Variants in CRYBG1 observed in about 807,000 individuals in gnomAD.
CRYBG1 encodes the protein crystallin beta-gamma domain containing 1.
A neutral mutation model predicts 189.2 loss-of-function variants in CRYBG1; 139 were observed. The ratio of observed to expected loss-of-function variants is 0.73; its 90% CI spans 0.64 to 0.85. The LOEUF (loss-of-function observed/expected upper bound fraction) is 0.85. Ranked by LOEUF, CRYBG1 falls within the 40% of genes least tolerant of loss-of-function variation. The pLI is 0.00. For synonymous variants in CRYBG1, 1,023 were observed against 1,017.1 expected (o/e 1.01, Z -0.11); for missense variants, 2,611 against 2,675.8 (o/e 0.98, Z 0.53).
chr6:106,511,856 G>C lies in CRYBG1; in HGVS notation c.739G>C (p.Asp247His). 1.3e-6 allele frequency: 2 copies of C among 1,514,834 alleles called. No individual in the cohort carries two copies. Among genetic ancestry groups the C allele is most frequent in the Non-Finnish European group, 1.8e-6 (2 of 1,133,840 alleles). 93.8% of individuals were successfully genotyped at this position (1,514,834 alleles called of 1,614,324 possible). ...GGAGGCAGAGGGAGAGCCTTTCCCA[G>C]ATGCCACCACCACTGCCAAGCAGCT... ...PLEAEGEPFP[D>H]ATTTAKQLHS... Residue 247 changes from aspartate (D) to histidine (H), a missense_variant, in exon 3 of 22, where the codon GAT (aspartate) becomes CAT (histidine). By Grantham distance (81) the Asp-to-His change is moderately conservative. This residue lies in a region of CRYBG1 where 985 missense variants were observed against 924.4 expected (regional missense o/e 1.07). Coordinates refer to ENST00000633556, the MANE Select transcript of CRYBG1 (RefSeq NM_001371242.2).
intron 1 of CRYBG1, among the ~76,000 whole-genome samples, chr6:106,438,384 T>G (rs1476216387): frequency 6.6e-6 from 1 of 152,136 alleles, no homozygotes. Context: ...ACTTAACAGT[T>G]TTTTCTCTCT....
At chr6:106,361,567 G>C (rs952896826) in intron 1 of CRYBG1, among the ~76,000 whole-genome samples, 8 of 152,166 alleles carry the variant, frequency 5.3e-5, no homozygotes, top group African/African-American at 1.7e-4. Context: ...GGAGGAAGTG[G>C]CAGGAATGGT....
At position 106,466,176 on chromosome 6, in the gene CRYBG1, C is replaced by T. The variant is rs58153598; in HGVS notation, c.312+14344C>T. 1.9e-3 allele frequency among the ~76,000 whole-genome samples: 294 copies of T among 152,204 alleles called. 10 individuals carry two copies. In the East Asian group the frequency reaches 0.053, roughly 27 times the overall value. ...GAAATAGCAAATATTTTCAAGGTTA[C>T]GAGTAAATATTCAATGGCTATCACC... is the stretch of plus-strand genomic sequence containing the variant. On this transcript the variant is annotated intron_variant, in intron 2 of 21. Transcript: ENST00000633556.
intron 1 of CRYBG1, among the ~76,000 whole-genome samples, chr6:106,416,105 T>C (rs999597962): frequency 6.6e-6 from 1 of 152,206 alleles, no homozygotes; most frequent in Admixed American, 6.5e-5. Flanking sequence ...CCCCCTTTCT[T>C]GGCCCCACAG....
intron 1 of CRYBG1, chr6:106,420,900 G>A (rs1273033084): frequency 6.6e-6 from 1 of 152,428 alleles, no homozygotes. Context: ...TATGGGTAGA[G>A]CCTCAATTGC....
intron 1 of CRYBG1, among the ~76,000 whole-genome samples, chr6:106,413,321 GAA>G (rs1210175953): frequency 1.3e-5 from 2 of 152,150 alleles, no homozygotes; most frequent in Non-Finnish European, 2.9e-5. Flanking sequence ...GTTCCCCAAA[GAA>G]AAATCACTGT....
chr6:106,527,549 C>A, intron 7 of CRYBG1, 79 bp downstream of exon 7: 4 of 1,421,372 alleles, frequency 2.8e-6, no homozygotes, highest in Non-Finnish European at 3.8e-6. Flanking sequence ...GATCATTTTA[C>A]GAAATATGTG....
intron 1 of CRYBG1, among the ~76,000 whole-genome samples, chr6:106,378,872 A>G (rs1446833444): frequency 6.6e-6 from 1 of 152,094 alleles, no homozygotes; most frequent in Admixed American, 6.5e-5. Context: ...GATGCTGGCC[A>G]GGTGTGGTGG....
At chr6:106,485,445 T>C (rs983169420) in intron 2 of CRYBG1, among the ~76,000 whole-genome samples, 3 of 152,222 alleles carry the variant, frequency 2.0e-5, no homozygotes, top group Admixed American at 6.5e-5. Flanking sequence ...ACATCATCTG[T>C]AAACAAAGAC....
chr6:106,516,270 G>C (rs989309366), intron 3 of CRYBG1, among the ~76,000 whole-genome samples: 3 of 149,764 alleles, frequency 2.0e-5, no homozygotes, highest in African/African-American at 7.5e-5. Context: ...GTCTCACTCT[G>C]TCGCCCAGGC....
At chr6:106,523,725 T>TA (rs35067658) in intron 4 of CRYBG1, among the ~76,000 whole-genome samples, 30,613 of 149,952 alleles carry the variant, frequency 0.2, 3,640 homozygotes, top group South Asian at 0.34. Flanking sequence ...GGGGGGCCCT[T>TA]ATGGCCTTTT....
intron 3 of CRYBG1, 120 bp from the exon 4 acceptor site, chr6:106,519,011 C>CCACACTCCAA: frequency 4.5e-6 from 4 of 897,148 alleles, no homozygotes; most frequent in African/African-American, 2.0e-5. Context: ...ACACACACCA[C>CCACACTCCAA]ACTCCAAATG....
chr6:106,521,527 T>C, intron 4 of CRYBG1, 74 bp downstream of exon 4: 1 of 1,426,344 alleles, frequency 7.0e-7, no homozygotes, highest in South Asian at 1.4e-5. Flanking sequence ...GAGCAACTCA[T>C]GTTATTCTTT....
intron 1 of CRYBG1, among the ~76,000 whole-genome samples, chr6:106,380,527 CT>C (rs1770265147): frequency 6.6e-6 from 1 of 152,140 alleles, no homozygotes; most frequent in Non-Finnish European, 1.5e-5. Context: ...CTGTGACAAC[CT>C]TTGGAAATTC....
intron 2 of CRYBG1, among the ~76,000 whole-genome samples, chr6:106,506,959 CA>C (rs1171778990): frequency 1.3e-5 from 2 of 152,136 alleles, no homozygotes; most frequent in African/African-American, 4.8e-5. Context: ...AGAACAGTTT[CA>C]AAAAAACTCT....
intron 1 of CRYBG1, 29 bp from the exon 2 acceptor site, chr6:106,451,665 T>C (rs1771783740): frequency 1.3e-6 from 2 of 1,525,364 alleles, no homozygotes; most frequent in South Asian, 2.4e-5. Context: ...CATAGTGTAT[T>C]GACATGACTG....
At chr6:106,558,830 G>A (rs937624266) in intron 18 of CRYBG1, among the ~76,000 whole-genome samples, 1 of 152,086 alleles carries the variant, frequency 6.6e-6, no homozygotes, top group Admixed American at 6.5e-5. Context: ...AGGTGTCGTG[G>A]CACATGCCTG....
At chr6:106,507,827 T>G (rs991835205) in intron 2 of CRYBG1, among the ~76,000 whole-genome samples, 9 of 152,216 alleles carry the variant, frequency 5.9e-5, no homozygotes, top group African/African-American at 7.2e-5. Context: ...TTCTGAGCCC[T>G]GCTCAGATGA....
At chr6:106,541,392 G>A in intron 9 of CRYBG1, 194 bp from the exon 10 acceptor site, 2 of 681,030 alleles carry the variant, frequency 2.9e-6, no homozygotes, top group Non-Finnish European at 5.4e-6. Flanking sequence ...GCTTGTGCGA[G>A]GCTCCGTTCT....
Sources: gnomAD v4.1 joint callset for allele counts (sites outside exome capture counted in the v4.1 genomes callset) on GRCh38, gnomAD v4.1.1 for gene constraint, gnomAD v4.1.1 regional missense constraint, MANE v1.5 for transcripts, NCBI Gene and HGNC (gene_info 2026-07-23, HGNC 2026-07-21) for gene names.